FA2H: variants seen among roughly 807,000 people sequenced by gnomAD.
FA2H encodes the protein fatty acid 2-hydroxylase, also known as fatty acid alpha-hydroxylase.
A neutral mutation model predicts 44.9 loss-of-function variants in FA2H; 22 were observed. The observed-to-expected ratio is 0.49, with a 90% CI of 0.35 to 0.70. FA2H has a LOEUF of 0.70. Among genes scored for constraint, FA2H ranks in the 30% least tolerant of loss-of-function variants. The pLI is 0.01. For synonymous variants in FA2H, 243 were observed against 213.2 expected (o/e 1.14, Z -1.22); for missense variants, 501 against 504.9 (o/e 0.99, Z 0.07).
intron 1 of FA2H, among the ~76,000 whole-genome samples, chr16:74,771,687 G>T (rs955972488): frequency 6.6e-6 from 1 of 151,944 alleles, no homozygotes. Context: ...AGCATGAGCC[G>T]ACACCAAACA....
chr16:74,752,832 T>G (rs1172175656), intron 1 of FA2H, among the ~76,000 whole-genome samples: 11 of 152,160 alleles, frequency 7.2e-5, no homozygotes, highest in Non-Finnish European at 1.5e-4. Flanking sequence ...CTGGGTATAG[T>G]GCTGCACCTG....
At chr16:74,758,331 A>T (rs1353095656) in intron 1 of FA2H, among the ~76,000 whole-genome samples, 1 of 151,894 alleles carries the variant, frequency 6.6e-6, no homozygotes, top group African/African-American at 2.4e-5. Flanking sequence ...TATGTTGGCC[A>T]GACTGGTCTC....
At chr16:74,716,648 A>C in intron 5 of FA2H, 49 bp from the exon 6 acceptor site, 1 of 1,515,050 alleles carries the variant, frequency 6.6e-7, no homozygotes, top group Non-Finnish European at 8.8e-7. Context: ...GGGCCCCGGC[A>C]GCTGGCCAAA....
chr16:74,760,686 C>T (rs1350584087), intron 1 of FA2H, among the ~76,000 whole-genome samples: 2 of 152,324 alleles, frequency 1.3e-5, no homozygotes, highest in East Asian at 1.9e-4. Flanking sequence ...AAACAGCTTC[C>T]GCCTAAGGAT....
chr16:74,750,822 C>G (rs1043948343), intron 1 of FA2H, among the ~76,000 whole-genome samples: 5 of 140,318 alleles, frequency 3.6e-5, no homozygotes, highest in Non-Finnish European at 6.2e-5. Flanking sequence ...TGTCAGCAGG[C>G]TGGAGTGCAG....
intron 6 of FA2H, 45 bp from the exon 7 acceptor site, chr16:74,714,314 C>G (rs1459636178): frequency 4.7e-6 from 6 of 1,264,014 alleles, no homozygotes; most frequent in Non-Finnish European, 6.8e-6. Context: ...ATTGAAGGAG[C>G]AGGCGTGCGC....
chr16:74,743,454 T>G (rs1391006726), intron 1 of FA2H, among the ~76,000 whole-genome samples: 1 of 152,196 alleles, frequency 6.6e-6, no homozygotes, highest in East Asian at 1.9e-4. Context: ...GCTCTGTGGA[T>G]TTCTGTCCTG....
chr16:74,759,263 A>G (rs2144656569), intron 1 of FA2H, among the ~76,000 whole-genome samples: 1 of 152,226 alleles, frequency 6.6e-6, no homozygotes, highest in East Asian at 1.9e-4. Flanking sequence ...TGACACATCT[A>G]TCTTCCTCCA....
intron 1 of FA2H, among the ~76,000 whole-genome samples, chr16:74,747,356 A>C (rs1225396872): frequency 7.3e-6 from 1 of 136,946 alleles, no homozygotes; most frequent in Admixed American, 7.4e-5. Context: ...GAAAGAAAGA[A>C]AAGTGACAAA....
At chr16:74,766,678 G>C (rs1009309425) in intron 1 of FA2H, among the ~76,000 whole-genome samples, 1 of 152,140 alleles carries the variant, frequency 6.6e-6, no homozygotes, top group Non-Finnish European at 1.5e-5. Flanking sequence ...GGTGGTCCAA[G>C]CCATTGGCTC....
At chr16:74,728,148 T>A (rs767302204) in intron 2 of FA2H, among the ~76,000 whole-genome samples, 2 of 152,174 alleles carry the variant, frequency 1.3e-5, no homozygotes, top group Non-Finnish European at 2.9e-5. Context: ...TAATTGTTGG[T>A]TGCAGTAGCT....
chr16:74,726,408 GA>G, intron 3 of FA2H, 77 bp from the exon 4 acceptor site: 1 of 944,754 alleles, frequency 1.1e-6, no homozygotes, highest in South Asian at 1.4e-5. Flanking sequence ...TTTTTTTTGA[GA>G]CGGAGTTTCA....
chr16:74,719,792 G>A lies in FA2H; in HGVS notation c.614-632C>T, dbSNP rs540852067. Among the ~76,000 whole-genome samples the A allele has an allele frequency of 1.6e-4, 25 of 152,148 alleles. 2 individuals carry two copies. In the South Asian group the frequency reaches 2.9e-3, roughly 18 times the overall value. On this transcript the variant is annotated intron_variant, in intron 4 of 6. Transcript: ENST00000219368. ...GCTGGTCTCAAACTCCCAGACTCAA[G>A]CAATTCTCTCGCCTTGGCCTCCCAA...
rs1961778491 is a variant in FA2H at position 74,719,241 on chromosome 16, C to G, written c.614-81G>C. 4.6e-6 allele frequency: 6 copies of G among 1,301,682 alleles called. No homozygotes were observed. The Admixed American group carries it at 9.1e-5, about 20-fold the overall frequency. 80.6% of individuals were successfully genotyped at this position (1,301,682 alleles called of 1,614,324 possible). A position where few individuals can be genotyped will look rare whatever the true frequency, so the allele number is the denominator to read the frequency against. ...CCAGGTGTCCCTGCCTCACCATCCCCATCAGCTCGGGAGCTGCTGCCCTCT... is the reference window on the plus strand; with the variant it reads ...CCAGGTGTCCCTGCCTCACCATCCCGATCAGCTCGGGAGCTGCTGCCCTCT... On this transcript the variant is annotated intron_variant, in intron 4 of 6. Transcript: ENST00000219368.
chr16:74,737,949 C>T (rs560754741), intron 2 of FA2H, among the ~76,000 whole-genome samples: 3 of 152,316 alleles, frequency 2.0e-5, no homozygotes, highest in Non-Finnish European at 4.4e-5. Flanking sequence ...TGGGATTGCC[C>T]GTGAGGTGAA....
chr16:74,714,724 G>A (rs1181932432), intron 6 of FA2H, among the ~76,000 whole-genome samples: 1 of 152,058 alleles, frequency 6.6e-6, no homozygotes, highest in East Asian at 1.9e-4. Flanking sequence ...CATGGCTACT[G>A]AGCACTAGAA....
At chr16:74,767,650 G>A (rs976158336) in intron 1 of FA2H, among the ~76,000 whole-genome samples, 2 of 152,174 alleles carry the variant, frequency 1.3e-5, no homozygotes, top group Non-Finnish European at 2.9e-5. Flanking sequence ...CAAGAGCCAA[G>A]GAATGCAGGC....
In FA2H at chr16:74,774,544, G is replaced by A; in HGVS notation, c.212C>T (p.Ala71Val). The change falls in exon 1 of 7, where the codon GCC becomes GTC. Residue 71 changes from alanine to valine, a missense_variant. Physicochemically the swap from Ala to Val is moderately conservative, Grantham distance 64 (BLOSUM62 0). Coordinates refer to ENST00000219368, the MANE Select transcript of FA2H (RefSeq NM_024306.5). ...CTGCTCCAGCCAGCGGCGCGCGTTG[G>A]CCGAGTGCCTGTGCGGCGGCCCGTC... ...DLDGPPHRHS[A>V]NARRWLEQYY... The A allele has an allele frequency of 2.6e-6, 4 of 1,546,850 alleles. No homozygotes were observed. The highest frequency in any genetic ancestry group is 3.5e-6 in the Non-Finnish European group (4 of 1,156,492).
At chr16:74,748,154 C>A (rs1306498305) in intron 1 of FA2H, among the ~76,000 whole-genome samples, 2 of 152,282 alleles carry the variant, frequency 1.3e-5, no homozygotes, top group African/African-American at 4.8e-5. Flanking sequence ...TGCTGCCCAT[C>A]TGCAGCCAGG....
Sources: gnomAD v4.1 joint callset for allele counts (sites outside exome capture counted in the v4.1 genomes callset) on GRCh38, gnomAD v4.1.1 for gene constraint, MANE v1.5 for transcripts, NCBI Gene and HGNC (gene_info 2026-07-23, HGNC 2026-07-21) for gene names.